Variants in R3HDM1 observed in about 807,000 individuals in gnomAD.
R3HDM1 encodes R3H domain containing 1.
In R3HDM1, 46 loss-of-function variants were observed where a neutral mutation model predicts 141.1. The observed-to-expected ratio is 0.33, with a 90% CI of 0.26 to 0.42. R3HDM1 has a LOEUF of 0.42. Among genes scored for constraint, R3HDM1 ranks in the 10% least tolerant of loss-of-function variants. The pLI is 1.00. For synonymous variants in R3HDM1, 435 were observed against 472.9 expected, an observed-to-expected ratio of 0.92 and a Z score of 1.04; for missense variants, 1,184 against 1,368.3, an observed-to-expected ratio of 0.87 and a Z score of 2.12.
rs2065088456 is a variant in R3HDM1 at position 135,650,941 on chromosome 2, AG to A, written c.1726-786del. The A allele has an allele frequency of 3.0e-6, 3 of 985,448 alleles. No homozygotes were observed. The African/African-American group carries it at 5.2e-5, about 17-fold the overall frequency. 61.0% of individuals were successfully genotyped at this position (985,448 alleles called of 1,614,324 possible). On this transcript the variant is annotated intron_variant, in intron 17 of 26. Coordinates refer to ENST00000683871, the MANE Select transcript of R3HDM1 (RefSeq NM_001378107.1). ...TGCCAGTCTGTGGTTTCTTGGGAAC[AG>A]GGAGCATTTTAACCCTATATAATCA...
chr2:135,587,679 C>A (rs1255812422), intron 1 of R3HDM1, among the ~76,000 whole-genome samples: 1 of 152,148 alleles, frequency 6.6e-6, no homozygotes, highest in Non-Finnish European at 1.5e-5. Flanking sequence ...AAATAAGCAA[C>A]ACATACTCTC....
intron 1 of R3HDM1, among the ~76,000 whole-genome samples, chr2:135,559,747 G>GGAAC (rs1389385342): frequency 6.6e-6 from 1 of 152,186 alleles, no homozygotes; most frequent in African/African-American, 2.4e-5. Context: ...GTTGATTGAA[G>GGAAC]GAACTGTCTA....
chr2:135,680,347 A>C, intron 21 of R3HDM1, 23 bp downstream of exon 21: 1 of 1,610,490 alleles, frequency 6.2e-7, no homozygotes, highest in Non-Finnish European at 8.5e-7. Flanking sequence ...GAGTAACCTA[A>C]TCTTCCAGCT....
At chr2:135,691,627 T>G (rs1469992362) in intron 21 of R3HDM1, among the ~76,000 whole-genome samples, 1 of 151,896 alleles carries the variant, frequency 6.6e-6, no homozygotes, top group Admixed American at 6.6e-5. Context: ...AGAGATTTTC[T>G]TTTTAAATTA....
intron 2 of R3HDM1, among the ~76,000 whole-genome samples, chr2:135,603,612 G>GTTTGT (rs1256225162): frequency 6.6e-6 from 1 of 151,728 alleles, no homozygotes; most frequent in Admixed American, 6.6e-5. Flanking sequence ...GGGTTTTTTT[G>GTTTGT]TTTGTTTTGT....
intron 3 of R3HDM1, among the ~76,000 whole-genome samples, chr2:135,609,493 C>T (rs1008337774): frequency 1.6e-4 from 24 of 152,154 alleles, no homozygotes; most frequent in Non-Finnish European, 2.5e-4. Context: ...TTTCTGCTGC[C>T]ACACACTGTT....
chr2:135,633,103 G>A (rs2062879724), intron 9 of R3HDM1, among the ~76,000 whole-genome samples: 1 of 152,120 alleles, frequency 6.6e-6, no homozygotes, highest in Admixed American at 6.5e-5. Context: ...TGTTTAGAAA[G>A]GGATCTTTTC....
At chr2:135,632,033 A>G in intron 9 of R3HDM1, 32 bp downstream of exon 9, 1 of 1,437,652 alleles carries the variant, frequency 7.0e-7, no homozygotes, top group Non-Finnish European at 9.5e-7. Context: ...TACATATTAT[A>G]TATCTAAATA....
At chr2:135,663,732 A>G (rs2067067330) in intron 19 of R3HDM1, among the ~76,000 whole-genome samples, 1 of 152,136 alleles carries the variant, frequency 6.6e-6, no homozygotes, top group Non-Finnish European at 1.5e-5. Context: ...TTTTTATGTC[A>G]AAACTTGCAG....
At chr2:135,717,955 G>A (rs1431086948) in intron 24 of R3HDM1, among the ~76,000 whole-genome samples, 5 of 152,152 alleles carry the variant, frequency 3.3e-5, no homozygotes, top group Non-Finnish European at 7.3e-5. Context: ...CAGGAGACTG[G>A]ATACCCAAAC....
At chr2:135,720,137 C>A (rs2105466373) in intron 24 of R3HDM1, among the ~76,000 whole-genome samples, 1 of 152,318 alleles carries the variant, frequency 6.6e-6, no homozygotes, top group African/African-American at 2.4e-5. Context: ...GCCACCGCGC[C>A]CGGCCTTCAC....
chr2:135,559,729 T>TA (rs2104955137), intron 1 of R3HDM1, among the ~76,000 whole-genome samples: 2 of 152,356 alleles, frequency 1.3e-5, no homozygotes, highest in South Asian at 4.1e-4. Context: ...GGTTGTCTCT[T>TA]ATCACTAGTT....
At chr2:135,604,762 G>A in intron 2 of R3HDM1, 44 bp from the exon 3 acceptor site, 1 of 1,429,188 alleles carries the variant, frequency 7.0e-7, no homozygotes, top group Non-Finnish European at 9.7e-7. Context: ...TGCAGTAACT[G>A]AATGTAAAAA....
At position 135,595,988 on chromosome 2, in the gene R3HDM1, C is replaced by T. The variant is rs565468947; in HGVS notation, c.-249-6512C>T. ...CTTCCTGTTGCTCCTGGGATCAGTA[C>T]TAAGTTTCTTCTTTTTCTTTTTCTT... On this transcript the variant is annotated intron_variant, in intron 1 of 26. Coordinates refer to ENST00000683871, the MANE Select transcript of R3HDM1 (RefSeq NM_001378107.1). Among the ~76,000 whole-genome samples, 4 of 152,092 alleles carry T rather than the reference C, an allele frequency of 2.6e-5. No individual in the cohort carries two copies. The East Asian group carries it at 7.7e-4, about 29-fold the overall frequency.
intron 23 of R3HDM1, among the ~76,000 whole-genome samples, chr2:135,710,573 C>G (rs2075508680): frequency 6.6e-6 from 1 of 152,026 alleles, no homozygotes; most frequent in Non-Finnish European, 1.5e-5. Flanking sequence ...CGCCTGAACC[C>G]AGGTGAGTGG....
chr2:135,597,673 G>C (rs2059305247), intron 1 of R3HDM1, among the ~76,000 whole-genome samples: 1 of 152,136 alleles, frequency 6.6e-6, no homozygotes. Flanking sequence ...TGGATAACTA[G>C]ATAGTGATAA....
intron 19 of R3HDM1, among the ~76,000 whole-genome samples, chr2:135,663,902 C>T (rs529563671): frequency 6.0e-4 from 91 of 152,040 alleles, no homozygotes; most frequent in African/African-American, 1.4e-3. Context: ...GGCATGGTGG[C>T]GCACACCTGT....
chr2:135,536,523 TAAC>T, intron 1 of R3HDM1: 2 of 924,472 alleles, frequency 2.2e-6, no homozygotes, highest in Non-Finnish European at 2.6e-6. Context: ...CAACTCCCTA[TAAC>T]AACTTCATCT....
intron 21 of R3HDM1, among the ~76,000 whole-genome samples, chr2:135,706,136 A>G (rs1238322712): frequency 1.3e-5 from 2 of 151,874 alleles, no homozygotes; most frequent in Non-Finnish European, 2.9e-5. Flanking sequence ...CTCGAAAAAA[A>G]AAAAAAAAAA....
Sources: gnomAD v4.1 joint callset for allele counts (sites outside exome capture counted in the v4.1 genomes callset) on GRCh38, gnomAD v4.1.1 for gene constraint, MANE v1.5 for transcripts, NCBI Gene and HGNC (gene_info 2026-07-23, HGNC 2026-07-21) for gene names.